Variants in COLEC12 observed in about 807,000 individuals in gnomAD.
COLEC12 encodes collectin-12.
In COLEC12, 33 loss-of-function variants were observed where a neutral mutation model predicts 71.1. That is an observed-to-expected ratio of 0.46 (90% CI 0.35 to 0.62). The LOEUF is 0.62. Ranked by LOEUF, COLEC12 falls within the 20% of genes least tolerant of loss-of-function variation. The pLI is 0.00. For synonymous variants in COLEC12, 350 were observed against 353.0 expected, an observed-to-expected ratio of 0.99 and a Z score of 0.10; for missense variants, 765 against 916.1, an observed-to-expected ratio of 0.84 and a Z score of 2.13.
intron 1 of COLEC12, among the ~76,000 whole-genome samples, chr18:494,237 T>G (rs1917669984): frequency 6.6e-6 from 1 of 152,212 alleles, no homozygotes; most frequent in Non-Finnish European, 1.5e-5. Flanking sequence ...CATTTGCAAT[T>G]TGAAAATTAC....
intron 2 of COLEC12, among the ~76,000 whole-genome samples, chr18:387,909 T>C (rs1567892775): frequency 1.3e-5 from 2 of 152,182 alleles, no homozygotes; most frequent in African/African-American, 4.8e-5. Context: ...AACTGAGAAA[T>C]TGTCAGTTCA....
intron 2 of COLEC12, among the ~76,000 whole-genome samples, chr18:463,723 C>T (rs1248336950): frequency 6.6e-6 from 1 of 152,192 alleles, no homozygotes; most frequent in Non-Finnish European, 1.5e-5. Context: ...TCTCTCACTT[C>T]ATTCCCGTTG....
chr18:445,888 T>C (rs1336111770), intron 2 of COLEC12, among the ~76,000 whole-genome samples: 1 of 152,148 alleles, frequency 6.6e-6, no homozygotes, highest in Non-Finnish European at 1.5e-5. Context: ...TGCCTCAGCC[T>C]CCCAAAGTGT....
chr18:361,924 G>A lies in COLEC12; in HGVS notation c.59-4402C>T, dbSNP rs79261989. Among the ~76,000 whole-genome samples the A allele has an allele frequency of 8.6e-4, 131 of 152,330 alleles. 1 individual carries two copies. In the South Asian group the frequency reaches 0.012, roughly 14 times the overall value. ...GATGATTTCTTACATTCCACTAAGA[G>A]AGCCTCAGAAGATTTGGTTAGAGCA... On this transcript the variant is annotated intron_variant, in intron 2 of 9. Coordinates refer to ENST00000400256, the MANE Select transcript of COLEC12 (RefSeq NM_130386.3).
chr18:333,332 C>T, intron 6 of COLEC12, 189 bp from the exon 7 acceptor site: 1 of 510,020 alleles, frequency 2.0e-6, no homozygotes, highest in East Asian at 3.2e-5. Flanking sequence ...CTGCAGAGCA[C>T]AAGCCAAAAC....
rs1198465583 is a variant in COLEC12, at chr18:353,618, G to A, written c.181+3782C>T. Among the ~76,000 whole-genome samples the A allele has an allele frequency of 2.0e-5, 3 of 152,334 alleles. No homozygotes were observed. In the East Asian group the frequency reaches 5.8e-4, roughly 29 times the overall value. ...CTGCCATGTAGGTGGCATAGTGCTAGACATTGAGGATTCAAGAGACACAGG... is the reference window on the plus strand; with the variant it reads ...CTGCCATGTAGGTGGCATAGTGCTAAACATTGAGGATTCAAGAGACACAGG... On this transcript the variant is annotated intron_variant, in intron 3 of 9. Transcript: ENST00000400256.
At chr18:492,034 A>T (rs976064926) in intron 1 of COLEC12, among the ~76,000 whole-genome samples, 14 of 152,226 alleles carry the variant, frequency 9.2e-5, no homozygotes, top group African/African-American at 3.4e-4. Context: ...GGGGGTAATT[A>T]GATCGGCCTT....
At chr18:431,305 T>G (rs560259746) in intron 2 of COLEC12, among the ~76,000 whole-genome samples, 1 of 152,220 alleles carries the variant, frequency 6.6e-6, no homozygotes, top group East Asian at 1.9e-4. Flanking sequence ...GCCCAACCTA[T>G]ACACATTTTA....
intron 9 of COLEC12, among the ~76,000 whole-genome samples, chr18:321,133 CA>C (rs1464181995): frequency 1.3e-5 from 2 of 152,230 alleles, no homozygotes; most frequent in East Asian, 3.8e-4. Flanking sequence ...CGGCTCCCCA[CA>C]ACCTCTGCCT....
intron 2 of COLEC12, among the ~76,000 whole-genome samples, chr18:425,118 T>C (rs909751716): frequency 2.0e-5 from 3 of 152,158 alleles, no homozygotes; most frequent in Non-Finnish European, 2.9e-5. Context: ...TTCTTATTCT[T>C]CAAAATCTCC....
chr18:438,402 A>G (rs1026512476), intron 2 of COLEC12, among the ~76,000 whole-genome samples: 6 of 152,240 alleles, frequency 3.9e-5, no homozygotes, highest in Non-Finnish European at 7.3e-5. Context: ...AATTTTAAAC[A>G]TACTAAAACC....
intron 2 of COLEC12, among the ~76,000 whole-genome samples, chr18:404,315 C>A (rs182555513): frequency 9.1e-4 from 139 of 152,246 alleles, no homozygotes; most frequent in African/African-American, 2.9e-3. Flanking sequence ...TTGCAAGACA[C>A]TAAAATGAAC....
At chr18:387,299 T>C (rs1179574868) in intron 2 of COLEC12, among the ~76,000 whole-genome samples, 1 of 152,230 alleles carries the variant, frequency 6.6e-6, no homozygotes, top group Non-Finnish European at 1.5e-5. Flanking sequence ...AATAATTCAC[T>C]GAGGAATTTA....
rs766928724 is a variant in COLEC12, at chr18:346,433, C to A, written c.1189G>T (p.Val397Phe). Residue 397 changes from valine to phenylalanine, a missense_variant, in exon 5 of 10, where the codon GTT becomes TTT. Val to Phe is a conservative substitution (Grantham distance 50). Coordinates refer to ENST00000400256, the MANE Select transcript of COLEC12 (RefSeq NM_130386.3). This position sits in a 1 kb window ranked among gnomAD's most constrained non-coding sequence, Gnocchi z 4.0. ...NTLANIRLDS[V>F]SLRMQQDLMR... The stretch of plus-strand genomic sequence containing the variant: ...AAATCTTGTTGCATCCTGAGAGAAA[C>A]AGAATCCAAACGGATGTTGGCCAGG... The A allele has an allele frequency of 1.9e-6, 3 of 1,614,110 alleles. No individual in the cohort carries two copies. Among genetic ancestry groups the A allele is most frequent in the Non-Finnish European group, 2.5e-6 (3 of 1,180,030 alleles).
intron 5 of COLEC12, among the ~76,000 whole-genome samples, chr18:337,753 C>T (rs183307172): frequency 2.9e-4 from 44 of 152,240 alleles, no homozygotes; most frequent in Non-Finnish European, 4.9e-4. Flanking sequence ...TCTCAGGTTC[C>T]GCCAGCACCT....
intron 2 of COLEC12, among the ~76,000 whole-genome samples, chr18:398,411 C>A (rs752881449): frequency 2.0e-5 from 3 of 152,308 alleles, no homozygotes; most frequent in Admixed American, 6.5e-5. Context: ...CCTTTCCAAC[C>A]ACTTCTATGG....
rs892600885 is a variant in COLEC12, at chr18:327,842, T to C, written c.2063+3826A>G. On this transcript the variant is annotated intron_variant, in intron 8 of 9. Transcript: ENST00000400256. This position sits in a 1 kb window ranked among gnomAD's most constrained non-coding sequence, Gnocchi z 4.0. ...GCCAGGCCCATCGGCTTCTATTTTT[T>C]GGAAGAGTTTAAGAAGAACTGGTGC... 3.3e-5 allele frequency among the ~76,000 whole-genome samples: 5 copies of C among 152,244 alleles called. No homozygotes were observed. The highest frequency in any genetic ancestry group is 2.0e-4 in the Admixed American group (3 of 15,278).
intron 2 of COLEC12, among the ~76,000 whole-genome samples, chr18:367,450 C>A (rs898559164): frequency 2.6e-5 from 4 of 152,140 alleles, no homozygotes; most frequent in Non-Finnish European, 5.9e-5. Flanking sequence ...ACCTGACAGA[C>A]ATTCCTCGTT....
At chr18:339,922 T>G (rs1409005101) in intron 5 of COLEC12, among the ~76,000 whole-genome samples, 1 of 152,066 alleles carries the variant, frequency 6.6e-6, no homozygotes, top group African/African-American at 2.4e-5. Context: ...GGGTTGGTTT[T>G]CCTCTAGGAC....
Sources: allele counts gnomAD v4.1 joint callset (sites outside exome capture counted in the v4.1 genomes callset), GRCh38; gene constraint gnomAD v4.1.1; non-coding constraint Gnocchi (gnomAD v3.1); transcripts MANE v1.5; gene names NCBI Gene and HGNC (gene_info 2026-07-23, HGNC 2026-07-21).